The following COX7B2 variants were observed in gnomAD, a reference collection of about 807,000 sequenced individuals.
The protein encoded by COX7B2 is cytochrome c oxidase subunit 7B2, also known as cytochrome c oxidase subunit 7B2, mitochondrial.
For missense variants in COX7B2, 109 were observed against 95.9 expected, an observed-to-expected ratio of 1.14 and a Z score of -0.57; for synonymous variants, 37 against 32.1, an observed-to-expected ratio of 1.15 and a Z score of -0.51.
rs1024163665 is a variant in COX7B2 at position 46,823,048 on chromosome 4, A to T, written c.-50+21912T>A. Among the ~76,000 whole-genome samples, 11 of 152,258 alleles carry T rather than the reference A, an allele frequency of 7.2e-5. No homozygotes were observed. In the East Asian group the frequency reaches 2.1e-3, roughly 29 times the overall value. On this transcript the variant is annotated intron_variant, in intron 2 of 2. Coordinates refer to ENST00000355591, the MANE Select transcript of COX7B2 (RefSeq NM_130902.3). ...CTTAACATGGAAATGTGCCAGTGTT[A>T]CAGTGTGAATCCCCCAAGGGCCTAC...
chr4:46,762,467 G>GTAAATATATAGTATATA (rs1560362390), intron 2 of COX7B2, among the ~76,000 whole-genome samples: 2 of 134,730 alleles, frequency 1.5e-5, no homozygotes, highest in Non-Finnish European at 3.1e-5. Flanking sequence ...TATAGTATAT[G>GTAAATATATAGTATATA]TACTATATAT....
intron 2 of COX7B2, among the ~76,000 whole-genome samples, chr4:46,827,204 C>A (rs1265000878): frequency 1.3e-5 from 2 of 151,906 alleles, no homozygotes; most frequent in Non-Finnish European, 2.9e-5. Flanking sequence ...AGGCTATAAT[C>A]TTCCCAAATT....
intron 2 of COX7B2, among the ~76,000 whole-genome samples, chr4:46,832,060 GT>G (rs1332486383): frequency 1.3e-5 from 2 of 152,202 alleles, no homozygotes; most frequent in African/African-American, 4.8e-5. Context: ...CAGGATGTGG[GT>G]GGGGCCAGAT....
chr4:46,824,458 A>C (rs916445962), intron 2 of COX7B2, among the ~76,000 whole-genome samples: 2 of 152,152 alleles, frequency 1.3e-5, no homozygotes, highest in African/African-American at 4.8e-5. Flanking sequence ...ACTTGTACCA[A>C]AGTCAATCAG....
intron 2 of COX7B2, among the ~76,000 whole-genome samples, chr4:46,774,269 T>C (rs1348941543): frequency 6.6e-6 from 1 of 152,212 alleles, no homozygotes; most frequent in Admixed American, 6.5e-5. Flanking sequence ...AACACATTTA[T>C]AACCCGTTAC....
intron 2 of COX7B2, among the ~76,000 whole-genome samples, chr4:46,842,760 C>T (rs1469344782): frequency 2.0e-5 from 3 of 152,216 alleles, no homozygotes; most frequent in Middle Eastern, 3.4e-3. Context: ...CATAGTATTC[C>T]ATGGTGTATA....
At chr4:46,866,407 C>G (rs534800975) in intron 1 of COX7B2, among the ~76,000 whole-genome samples, 31 of 152,208 alleles carry the variant, frequency 2.0e-4, no homozygotes, top group Non-Finnish European at 2.9e-4. Context: ...CTAACTACTC[C>G]TGACTCCCTG....
intron 2 of COX7B2, among the ~76,000 whole-genome samples, chr4:46,844,612 A>G (rs1198154363): frequency 1.3e-5 from 2 of 152,056 alleles, no homozygotes; most frequent in Non-Finnish European, 2.9e-5. Context: ...AGTACTTGGC[A>G]CAAGTGCTTA....
At chr4:46,904,724 A>G (rs1249741247) in intron 1 of COX7B2, among the ~76,000 whole-genome samples, 1 of 152,218 alleles carries the variant, frequency 6.6e-6, no homozygotes, top group Non-Finnish European at 1.5e-5. Context: ...GAAACTGTTT[A>G]TGATACATTC....
rs1209502026 is a variant in COX7B2, at chr4:46,751,687, T to C, written c.-49-16446A>G. Reference sequence around the variant, plus strand: ...TGAGAATACTAGGAAAGTGATTTTATATTAGGTGGGCAGAAAATACTTCAT... The same window carrying C: ...TGAGAATACTAGGAAAGTGATTTTACATTAGGTGGGCAGAAAATACTTCAT... On this transcript the variant is annotated intron_variant, in intron 2 of 2. Coordinates refer to ENST00000355591, the MANE Select transcript of COX7B2 (RefSeq NM_130902.3). Among the ~76,000 whole-genome samples the C allele has an allele frequency of 2.0e-5, 3 of 152,042 alleles. No homozygotes were observed. In the East Asian group the frequency reaches 5.8e-4, roughly 29 times the overall value.
intron 1 of COX7B2, among the ~76,000 whole-genome samples, chr4:46,894,518 C>A (rs6819625): frequency 0.24 from 36,923 of 151,930 alleles, 4,684 homozygotes; most frequent in East Asian, 0.29. Context: ...AAATGTAAAC[C>A]CAAAACTCTA....
chr4:46,769,798 C>G (rs921717677), intron 2 of COX7B2, among the ~76,000 whole-genome samples: 2 of 152,100 alleles, frequency 1.3e-5, no homozygotes, highest in Non-Finnish European at 2.9e-5. Context: ...ATTTCACCAT[C>G]TTGTCATGAT....
intron 1 of COX7B2, among the ~76,000 whole-genome samples, chr4:46,846,354 T>C (rs1276958824): frequency 6.6e-6 from 1 of 151,732 alleles, no homozygotes; most frequent in Non-Finnish European, 1.5e-5. Flanking sequence ...ATGAATAACC[T>C]ATATAGAATG....
intron 2 of COX7B2, among the ~76,000 whole-genome samples, chr4:46,793,419 AT>A (rs1718152488): frequency 6.6e-6 from 1 of 151,972 alleles, no homozygotes; most frequent in East Asian, 1.9e-4. Context: ...TGCCCTTTGG[AT>A]TTAGGCGGTT....
intron 1 of COX7B2, among the ~76,000 whole-genome samples, chr4:46,864,898 C>T (rs1393978905): frequency 6.6e-6 from 1 of 152,168 alleles, no homozygotes; most frequent in East Asian, 1.9e-4. Flanking sequence ...CCCGCCTCAG[C>T]CTCCCAAAGT....
At chr4:46,762,888 A>G (rs1716272519) in intron 2 of COX7B2, among the ~76,000 whole-genome samples, 1 of 145,012 alleles carries the variant, frequency 6.9e-6, no homozygotes, top group South Asian at 2.1e-4. Flanking sequence ...TGTATGCACA[A>G]TCACACTGTT....
At chr4:46,749,502 A>T (rs547479235) in intron 2 of COX7B2, among the ~76,000 whole-genome samples, 2 of 152,228 alleles carry the variant, frequency 1.3e-5, no homozygotes, top group South Asian at 4.1e-4. Context: ...TATACTCACT[A>T]TGTGATAATT....
chr4:46,871,130 G>C (rs1371367336), intron 1 of COX7B2, among the ~76,000 whole-genome samples: 1 of 152,002 alleles, frequency 6.6e-6, no homozygotes, highest in African/African-American at 2.4e-5. Context: ...GCATGGTAAT[G>C]GTACAAAAAC....
At chr4:46,776,148 G>A (rs1717141178) in intron 2 of COX7B2, among the ~76,000 whole-genome samples, 1 of 152,076 alleles carries the variant, frequency 6.6e-6, no homozygotes, top group Non-Finnish European at 1.5e-5. Flanking sequence ...GTATGGGGCA[G>A]TGGAGGATTA....
Sources: gnomAD v4.1 joint callset for allele counts (sites outside exome capture counted in the v4.1 genomes callset) on GRCh38, gnomAD v4.1.1 for gene constraint, MANE v1.5 for transcripts, NCBI Gene and HGNC (gene_info 2026-07-23, HGNC 2026-07-21) for gene names.